The following MTUS2 variants were observed in gnomAD, a reference collection of about 807,000 sequenced individuals.
The protein encoded by MTUS2 is microtubule-associated tumor suppressor candidate 2.
Under a neutral mutation model 114.1 loss-of-function variants are expected in MTUS2, and 40 were observed. That is an observed-to-expected ratio of 0.35 (90% CI 0.27 to 0.46). The LOEUF (loss-of-function observed/expected upper bound fraction) is 0.46. Ranked by LOEUF, MTUS2 falls within the 20% of genes least tolerant of loss-of-function variation. The pLI, the probability that MTUS2 is intolerant of heterozygous loss-of-function variation, is 1.00. For missense variants in MTUS2, 1,679 were observed against 1,705.4 expected (o/e 0.98, Z 0.27); for synonymous variants, 688 against 672.0 (o/e 1.02, Z -0.37).
At chr13:29,376,572 AAATGT>A (rs141206373) in intron 8 of MTUS2, among the ~76,000 whole-genome samples, 4,902 of 152,280 alleles carry the variant, frequency 0.032, 255 homozygotes, top group African/African-American at 0.11. Flanking sequence ...TAATTACATT[AAATGT>A]AATGTAATGA....
chr13:29,503,455 T>G lies in MTUS2; in HGVS notation c.*249T>G. ...AGAGCCAAAAGAAAGACACTTGCAA[T>G]TGTTCTTGAGCAATGAACTTTCACT... On this transcript the variant is annotated 3_prime_UTR_variant, in exon 16 of 16. Transcript: ENST00000612955. 1 of 581,594 alleles carries G rather than the reference T, an allele frequency of 1.7e-6. No homozygotes were observed. Among genetic ancestry groups the G allele is most frequent in the Non-Finnish European group, 3.1e-6 (1 of 326,076 alleles). The allele number at this position is 581,594 out of a possible 1,614,324, so 36.0% of individuals were successfully genotyped here.
intron 2 of MTUS2, among the ~76,000 whole-genome samples, chr13:29,012,976 T>C (rs965834236): frequency 1.3e-5 from 2 of 152,202 alleles, no homozygotes; most frequent in African/African-American, 4.8e-5. Context: ...AAGTAGCCAC[T>C]GCAGAAGGGA....
intron 8 of MTUS2, among the ~76,000 whole-genome samples, chr13:29,389,495 A>ATATGTATACACCTGTGTGTATGTGTG: frequency 1.7e-5 from 1 of 59,094 alleles, no homozygotes; most frequent in African/African-American, 6.2e-5. Flanking sequence ...GTGTATGTGT[A>ATATGTATACACCTGTGTGTATGTGTG]TATATGTATA....
At chr13:29,421,272 CT>C (rs1876089215) in intron 8 of MTUS2, among the ~76,000 whole-genome samples, 2 of 152,142 alleles carry the variant, frequency 1.3e-5, no homozygotes, top group African/African-American at 4.8e-5. Context: ...TGGCAGTCCC[CT>C]TTGCTAAGAT....
chr13:29,450,243 T>A (rs964426227), intron 9 of MTUS2, among the ~76,000 whole-genome samples: 1 of 152,164 alleles, frequency 6.6e-6, no homozygotes, highest in Non-Finnish European at 1.5e-5. Context: ...TGGAGAAATG[T>A]GCTTTTTTTC....
intron 5 of MTUS2, among the ~76,000 whole-genome samples, chr13:29,201,852 A>T (rs549748446): frequency 6.6e-6 from 1 of 152,106 alleles, no homozygotes; most frequent in Non-Finnish European, 1.5e-5. Context: ...TCTGGCTTGT[A>T]TGGTTTCTGC....
intron 5 of MTUS2, among the ~76,000 whole-genome samples, chr13:29,157,656 C>T (rs750076630): frequency 8.6e-5 from 13 of 152,026 alleles, no homozygotes; most frequent in African/African-American, 2.2e-4. Flanking sequence ...CTGAACTTTC[C>T]GAAGTCTCGG....
chr13:29,428,965 G>A, intron 8 of MTUS2: 1 of 1,520,022 alleles, frequency 6.6e-7, no homozygotes, highest in East Asian at 2.3e-5. Context: ...CCGTGAGCCA[G>A]CCACCTCGGT....
At chr13:29,288,065 G>C (rs1467583687) in intron 6 of MTUS2, among the ~76,000 whole-genome samples, 1 of 152,244 alleles carries the variant, frequency 6.6e-6, no homozygotes, top group Non-Finnish European at 1.5e-5. Flanking sequence ...GACAAGTGTA[G>C]AGGAAAGACA....
chr13:29,164,187 C>T (rs1893218159), intron 5 of MTUS2, among the ~76,000 whole-genome samples: 1 of 152,198 alleles, frequency 6.6e-6, no homozygotes, highest in African/African-American at 2.4e-5. Context: ...AAACAGTGTG[C>T]ACACAGTGCT....
At chr13:29,123,620 G>A (rs374483130) in intron 5 of MTUS2, among the ~76,000 whole-genome samples, 2 of 152,140 alleles carry the variant, frequency 1.3e-5, no homozygotes, top group South Asian at 4.1e-4. Flanking sequence ...AGGAGGCTGA[G>A]GCAGGAGAAT....
At chr13:29,378,822 C>T (rs756233390) in intron 8 of MTUS2, among the ~76,000 whole-genome samples, 1 of 152,080 alleles carries the variant, frequency 6.6e-6, no homozygotes, top group Non-Finnish European at 1.5e-5. Flanking sequence ...CCATGCCTTG[C>T]TCACTTCATG....
intron 1 of MTUS2, among the ~76,000 whole-genome samples, chr13:28,828,884 C>T (rs1357669155): frequency 6.6e-6 from 1 of 152,176 alleles, no homozygotes. Context: ...AGCACTGTTA[C>T]TGATCCTATC....
At chr13:29,456,274 T>C (rs1278388599) in intron 9 of MTUS2, among the ~76,000 whole-genome samples, 1 of 151,952 alleles carries the variant, frequency 6.6e-6, no homozygotes, top group Non-Finnish European at 1.5e-5. Context: ...AGTCAGTAAA[T>C]TGAAGATAGA....
chr13:28,832,571 A>G (rs1874764367), intron 1 of MTUS2, among the ~76,000 whole-genome samples: 1 of 151,032 alleles, frequency 6.6e-6, no homozygotes, highest in Non-Finnish European at 1.5e-5. Flanking sequence ...CAACAACCTA[A>G]CTTTACACCT....
At chr13:29,015,334 T>C (rs1249979743) in intron 2 of MTUS2, among the ~76,000 whole-genome samples, 4 of 152,088 alleles carry the variant, frequency 2.6e-5, no homozygotes, top group Non-Finnish European at 4.4e-5. Flanking sequence ...TCATTCTAAT[T>C]AGGAAGAGTT....
chr13:29,089,118 C>T (rs149416931), intron 4 of MTUS2, among the ~76,000 whole-genome samples: 59 of 152,296 alleles, frequency 3.9e-4, no homozygotes, highest in African/African-American at 1.1e-3. Flanking sequence ...ATTTAGCCCT[C>T]CCTTTATGGC....
intron 8 of MTUS2, among the ~76,000 whole-genome samples, chr13:29,389,324 T>TGTATACAC (rs1566172301): frequency 1.8e-4 from 10 of 54,532 alleles, no homozygotes; most frequent in Non-Finnish European, 3.6e-4. Context: ...TATACACATA[T>TGTATACAC]GTGTGTATAT....
intron 6 of MTUS2, among the ~76,000 whole-genome samples, chr13:29,304,291 A>T (rs541768253): frequency 6.6e-6 from 1 of 152,210 alleles, no homozygotes; most frequent in Non-Finnish European, 1.5e-5. Context: ...ACATAACAAT[A>T]CCAATCTAAA....
Sources: gnomAD v4.1 joint callset for allele counts (sites outside exome capture counted in the v4.1 genomes callset) on GRCh38, gnomAD v4.1.1 for gene constraint, MANE v1.5 for transcripts, NCBI Gene and HGNC (gene_info 2026-07-23, HGNC 2026-07-21) for gene names.